CDH4: variants seen among roughly 807,000 people sequenced by gnomAD.
The protein encoded by CDH4 is cadherin-4.
CDH4 carries 33 observed loss-of-function variants against 86.0 expected under a neutral mutation model. That is an observed-to-expected ratio of 0.38 (90% CI 0.29 to 0.51). The LOEUF (loss-of-function observed/expected upper bound fraction) is 0.51. Ranked by LOEUF, CDH4 falls within the 20% of genes least tolerant of loss-of-function variation. The pLI is 0.86. For missense variants in CDH4, 1,114 were observed against 1,307.4 expected (o/e 0.85, Z 2.28); for synonymous variants, 555 against 549.4 (o/e 1.01, Z -0.14).
At chr20:61,558,598 A>T (rs1430670963) in intron 2 of CDH4, among the ~76,000 whole-genome samples, 2 of 152,248 alleles carry the variant, frequency 1.3e-5, no homozygotes, top group African/African-American at 4.8e-5. Context: ...GGAAATGCGT[A>T]TCAGGCAAAA....
At chr20:61,711,165 A>G (rs6089483) in intron 2 of CDH4, among the ~76,000 whole-genome samples, 102,375 of 152,034 alleles carry the variant, frequency 0.67, 36,326 homozygotes, top group Non-Finnish European at 0.79. Flanking sequence ...GTTCTCATGA[A>G]ACCTGCTGGT....
At chr20:61,883,625 A>T (rs996695011) in intron 7 of CDH4, among the ~76,000 whole-genome samples, 1 of 152,220 alleles carries the variant, frequency 6.6e-6, no homozygotes, top group African/African-American at 2.4e-5. Context: ...AGGCCACTGG[A>T]GAGCTCAGGC....
chr20:61,413,772 A>G (rs986433851), intron 2 of CDH4, among the ~76,000 whole-genome samples: 1 of 152,204 alleles, frequency 6.6e-6, no homozygotes, highest in Admixed American at 6.5e-5. Context: ...CTTGGTGGCC[A>G]CAGATCTTCA....
At chr20:61,636,971 A>G (rs1007726148) in intron 2 of CDH4, among the ~76,000 whole-genome samples, 8 of 152,084 alleles carry the variant, frequency 5.3e-5, no homozygotes, top group African/African-American at 1.9e-4. Flanking sequence ...GCCAGTTCTG[A>G]TCCACCCCTC....
chr20:61,646,629 G>A (rs1439685798), intron 2 of CDH4, among the ~76,000 whole-genome samples: 2 of 152,238 alleles, frequency 1.3e-5, no homozygotes, highest in African/African-American at 4.8e-5. Context: ...GCTCTGAGCA[G>A]CTTCTGCTCT....
intron 2 of CDH4, among the ~76,000 whole-genome samples, chr20:61,496,012 C>T (rs1447743585): frequency 6.6e-6 from 1 of 151,388 alleles, no homozygotes. Context: ...GCTCCTCGAA[C>T]ATTTTTTTCT....
At chr20:61,425,070 G>A (rs1403780497) in intron 2 of CDH4, among the ~76,000 whole-genome samples, 1 of 152,226 alleles carries the variant, frequency 6.6e-6, no homozygotes, top group Non-Finnish European at 1.5e-5. Flanking sequence ...GGCATAGGTG[G>A]ACCAGGAGCA....
intron 4 of CDH4, among the ~76,000 whole-genome samples, chr20:61,804,551 A>T (rs1980022391): frequency 6.6e-6 from 1 of 152,170 alleles, no homozygotes; most frequent in Non-Finnish European, 1.5e-5. Flanking sequence ...TGAAGCCTCC[A>T]GGTCCTGCCC....
chr20:61,899,719 A>G (rs530976702), intron 8 of CDH4, among the ~76,000 whole-genome samples: 18 of 152,148 alleles, frequency 1.2e-4, no homozygotes, highest in South Asian at 2.1e-4. Flanking sequence ...GAGCCACCGC[A>G]CCCAGCCCAG....
At position 61,544,464 on chromosome 20, in the gene CDH4, C is replaced by T. The variant is rs555595189; in HGVS notation, c.170-199099C>T. 9.9e-5 allele frequency among the ~76,000 whole-genome samples: 15 copies of T among 151,930 alleles called. No individual in the cohort carries two copies. The highest frequency in any genetic ancestry group is 2.4e-4 in the African/African-American group (10 of 41,448). The stretch of plus-strand genomic sequence containing the variant: ...TCTGTGGTGGGAGCGCAGTGGGAGC[C>T]GCAGGGCATCGGGGTCTTCGAAGGA... On this transcript the variant is annotated intron_variant, in intron 2 of 15. Transcript: ENST00000614565. The surrounding 1 kb of genome is among the most constrained non-coding windows in gnomAD (Gnocchi z 6.5).
At chr20:61,906,081 C>T (rs1490987151) in intron 8 of CDH4, among the ~76,000 whole-genome samples, 4 of 152,206 alleles carry the variant, frequency 2.6e-5, no homozygotes, top group South Asian at 2.1e-4. Context: ...CCAGGCCAGA[C>T]GCAGGGGCCG....
At chr20:61,894,338 C>T (rs1984995090) in intron 7 of CDH4, among the ~76,000 whole-genome samples, 1 of 152,228 alleles carries the variant, frequency 6.6e-6, no homozygotes, top group African/African-American at 2.4e-5. Flanking sequence ...TTAAAGCTCA[C>T]ACCTGCGCCT....
rs143652401 is a variant in CDH4, at chr20:61,360,957, G to A, written c.169+106020G>A. 5.4e-3 allele frequency among the ~76,000 whole-genome samples: 825 copies of A among 152,308 alleles called. 3 individuals carry two copies. The highest frequency in any genetic ancestry group is 0.018 in the African/African-American group (745 of 41,560). ...GGAACAGCATGAAAATGTAGCAGGA[G>A]GAGGGTGGGTGGGAGGCCTGAGAGA... On this transcript the variant is annotated intron_variant, in intron 2 of 15. Coordinates refer to ENST00000614565, the MANE Select transcript of CDH4 (RefSeq NM_001794.5).
chr20:61,381,079 G>A (rs930939722), intron 2 of CDH4, among the ~76,000 whole-genome samples: 5 of 152,310 alleles, frequency 3.3e-5, no homozygotes, highest in Non-Finnish European at 5.9e-5. Flanking sequence ...TCTGGTCATA[G>A]GATGGCACAT....
intron 2 of CDH4, among the ~76,000 whole-genome samples, chr20:61,421,203 G>A (rs959239124): frequency 1.4e-4 from 22 of 152,334 alleles, no homozygotes; most frequent in Non-Finnish European, 1.2e-4. Flanking sequence ...CCCTTGGCTG[G>A]CTGGTGGCTG....
At chr20:61,920,451 ATG>A (rs2054964883) in intron 9 of CDH4, among the ~76,000 whole-genome samples, 1 of 137,876 alleles carries the variant, frequency 7.3e-6, no homozygotes, top group Non-Finnish European at 1.5e-5. Context: ...TTGCATGGAA[ATG>A]TGTGATTGCA....
intron 2 of CDH4, among the ~76,000 whole-genome samples, chr20:61,536,712 T>C (rs1050741597): frequency 6.6e-6 from 1 of 152,232 alleles, no homozygotes; most frequent in Admixed American, 6.5e-5. Flanking sequence ...CATACATACA[T>C]ATACACATAC....
chr20:61,671,593 G>GTGGA (rs1057472916), intron 2 of CDH4, among the ~76,000 whole-genome samples: 10 of 152,068 alleles, frequency 6.6e-5, no homozygotes, highest in Middle Eastern at 6.8e-3. Flanking sequence ...TGATGAACGG[G>GTGGA]TGGATGGATG....
chr20:61,614,117 G>A (rs1403481891), intron 2 of CDH4, among the ~76,000 whole-genome samples: 3 of 152,048 alleles, frequency 2.0e-5, no homozygotes, highest in Non-Finnish European at 2.9e-5. Context: ...CTGGGATTTA[G>A]CAAGTGTTAC....
Sources: gnomAD v4.1 joint callset for allele counts (sites outside exome capture counted in the v4.1 genomes callset) on GRCh38, gnomAD v4.1.1 for gene constraint, Gnocchi (gnomAD v3.1) non-coding constraint, MANE v1.5 for transcripts, NCBI Gene and HGNC (gene_info 2026-07-23, HGNC 2026-07-21) for gene names.